Variants in EYA4 observed in about 807,000 individuals in gnomAD.
The protein encoded by EYA4 is EYA transcriptional coactivator and phosphatase 4.
In EYA4, 31 loss-of-function variants were observed where a neutral mutation model predicts 87.9. That is an observed-to-expected ratio of 0.35 (90% CI 0.27 to 0.48). EYA4 has a LOEUF of 0.48. Ranked by LOEUF, EYA4 falls within the 20% of genes least tolerant of loss-of-function variation. EYA4 has a pLI of 0.99. For missense variants in EYA4, 678 were observed against 761.4 expected, an observed-to-expected ratio of 0.89 and a Z score of 1.29; for synonymous variants, 263 against 270.6, an observed-to-expected ratio of 0.97 and a Z score of 0.28.
chr6:133,371,191 A>G (rs558634972), intron 2 of EYA4, among the ~76,000 whole-genome samples: 36 of 152,300 alleles, frequency 2.4e-4, no homozygotes, highest in Middle Eastern at 3.4e-3. Flanking sequence ...GAACAACACA[A>G]TTCAGGCGGA....
At chr6:133,484,720 G>T (rs941470523) in intron 13 of EYA4, among the ~76,000 whole-genome samples, 2 of 152,248 alleles carry the variant, frequency 1.3e-5, no homozygotes, top group Admixed American at 1.3e-4. Flanking sequence ...CAATATTTTT[G>T]TGCAGCTAAG....
intron 13 of EYA4, among the ~76,000 whole-genome samples, chr6:133,491,668 C>A (rs145414407): frequency 6.6e-6 from 1 of 152,130 alleles, no homozygotes; most frequent in East Asian, 1.9e-4. Flanking sequence ...AGTACCCCAG[C>A]AGGCCCGGCG....
intron 2 of EYA4, among the ~76,000 whole-genome samples, chr6:133,277,449 A>T (rs1241153128): frequency 1.3e-5 from 2 of 152,160 alleles, no homozygotes; most frequent in East Asian, 3.9e-4. Flanking sequence ...ATGCTTTAAA[A>T]CCTTTGGGAA....
intron 5 of EYA4, among the ~76,000 whole-genome samples, chr6:133,450,535 A>G (rs1793333407): frequency 6.6e-6 from 1 of 151,398 alleles, no homozygotes; most frequent in Admixed American, 6.6e-5. Context: ...ATGGAGTCTC[A>G]CTCTGTCTAC....
intron 2 of EYA4, among the ~76,000 whole-genome samples, chr6:133,288,399 G>A (rs1205094444): frequency 1.3e-5 from 2 of 152,178 alleles, no homozygotes; most frequent in Non-Finnish European, 2.9e-5. Context: ...AATAGAGTTA[G>A]TAGGAGGAAG....
At chr6:133,368,138 T>C (rs556303220) in intron 2 of EYA4, among the ~76,000 whole-genome samples, 2 of 152,358 alleles carry the variant, frequency 1.3e-5, no homozygotes, top group South Asian at 4.1e-4. Flanking sequence ...CACTTTGGTG[T>C]CCTGGTGTAA....
chr6:133,289,257 A>G (rs1778300994), intron 2 of EYA4, among the ~76,000 whole-genome samples: 1 of 152,200 alleles, frequency 6.6e-6, no homozygotes, highest in African/African-American at 2.4e-5. Flanking sequence ...GAATTTTCCA[A>G]AGTGCTCTTC....
At chr6:133,271,282 A>G (rs1046155478) in intron 1 of EYA4, among the ~76,000 whole-genome samples, 14 of 152,132 alleles carry the variant, frequency 9.2e-5, no homozygotes, top group African/African-American at 3.1e-4. Flanking sequence ...CCATTCCACC[A>G]TTCTGTCAAT....
intron 6 of EYA4, among the ~76,000 whole-genome samples, chr6:133,459,485 A>C (rs1794188215): frequency 6.6e-6 from 1 of 152,150 alleles, no homozygotes; most frequent in South Asian, 2.1e-4. Flanking sequence ...AATATTGATA[A>C]TAACTGATGA....
intron 2 of EYA4, among the ~76,000 whole-genome samples, chr6:133,325,709 G>A (rs183426985): frequency 9.0e-4 from 137 of 152,322 alleles, no homozygotes; most frequent in African/African-American, 3.1e-3. Flanking sequence ...GCAGGGGTCA[G>A]CAGATGTTTT....
chr6:133,298,116 C>A (rs78369951), intron 2 of EYA4, among the ~76,000 whole-genome samples: 11 of 151,878 alleles, frequency 7.2e-5, no homozygotes, highest in African/African-American at 2.7e-4. Context: ...TTTAATTTGA[C>A]GTGTTATACT....
chr6:133,260,205 C>T (rs1338377095), intron 1 of EYA4, among the ~76,000 whole-genome samples: 1 of 151,340 alleles, frequency 6.6e-6, no homozygotes, highest in Admixed American at 6.6e-5. Context: ...TGTGGCTACT[C>T]TCTACTGTGT....
intron 2 of EYA4, among the ~76,000 whole-genome samples, chr6:133,278,582 C>G (rs367813979): frequency 4.6e-5 from 7 of 152,044 alleles, no homozygotes; most frequent in Admixed American, 1.3e-4. Flanking sequence ...TTTTAGAAAG[C>G]CAAAATGTTA....
At chr6:133,456,692 C>T in intron 6 of EYA4, 44 bp downstream of exon 6, 2 of 1,124,142 alleles carry the variant, frequency 1.8e-6, no homozygotes, top group South Asian at 2.5e-5. Context: ...CATGGGGGTG[C>T]ATCCACATCC....
intron 17 of EYA4, among the ~76,000 whole-genome samples, chr6:133,515,778 A>G (rs1275050691): frequency 1.3e-5 from 2 of 152,164 alleles, no homozygotes; most frequent in African/African-American, 4.8e-5. Context: ...TGAAAAAAGA[A>G]AGAGAACTCA....
At chr6:133,382,538 A>G (rs1786313975) in intron 3 of EYA4, 97 bp downstream of exon 3, 2 of 876,096 alleles carry the variant, frequency 2.3e-6, no homozygotes, top group Non-Finnish European at 4.0e-6. Flanking sequence ...GATTTGAAAC[A>G]TTGAGCTTCT....
At chr6:133,318,112 T>C (rs1284491651) in intron 2 of EYA4, among the ~76,000 whole-genome samples, 2 of 152,234 alleles carry the variant, frequency 1.3e-5, no homozygotes, top group Non-Finnish European at 2.9e-5. Flanking sequence ...TTCATGGAAA[T>C]GATGTCCTAG....
At chr6:133,463,028 A>G (rs932139172) in intron 9 of EYA4, among the ~76,000 whole-genome samples, 2 of 152,154 alleles carry the variant, frequency 1.3e-5, no homozygotes, top group Admixed American at 1.3e-4. Context: ...GCAACTCCCA[A>G]GCCAGACACC....
intron 2 of EYA4, among the ~76,000 whole-genome samples, chr6:133,304,198 A>G (rs1250057118): frequency 6.6e-6 from 1 of 152,126 alleles, no homozygotes; most frequent in Non-Finnish European, 1.5e-5. Context: ...CTAAGCATCA[A>G]TCCTGTCCTA....
Sources: allele counts gnomAD v4.1 joint callset (sites outside exome capture counted in the v4.1 genomes callset), GRCh38; gene constraint gnomAD v4.1.1; transcripts MANE v1.5; gene names NCBI Gene and HGNC (gene_info 2026-07-23, HGNC 2026-07-21).